The following IRGQ variants were observed in gnomAD, a reference collection of about 807,000 sequenced individuals.
IRGQ encodes the protein immunity related GTPase Q.
In IRGQ, 5 loss-of-function variants were observed where a neutral mutation model predicts 10.5. The ratio of observed to expected loss-of-function variants is 0.48; its 90% CI spans 0.25 to 1.00. The LOEUF is 1.00. Among genes scored for constraint, IRGQ ranks in the 50% least tolerant of loss-of-function variants. The pLI is 0.16. For synonymous variants in IRGQ, 418 were observed against 426.0 expected (o/e 0.98, Z 0.23); for missense variants, 792 against 877.7 (o/e 0.90, Z 1.23).
Position 43,589,633 on chromosome 19 carries a change from A to G in IRGQ, c.*2393T>C, listed in dbSNP as rs1007354569. ...GAAGCACCTATTGTGTCAGGCACCTATTGTTCTAGATGCTGGGGAAACAAC... is the reference window on the plus strand; with the variant it reads ...GAAGCACCTATTGTGTCAGGCACCTGTTGTTCTAGATGCTGGGGAAACAAC... On this transcript the variant is annotated 3_prime_UTR_variant, in exon 3 of 3. Transcript: ENST00000422989. The G allele has an allele frequency of 7.2e-5, 11 of 152,220 alleles. No homozygotes were observed. Among genetic ancestry groups the G allele is most frequent in the African/African-American group, 2.4e-4 (10 of 41,454 alleles). The allele number at this position is 152,220 out of a possible 1,614,324, so 9.4% of individuals were successfully genotyped here.
In IRGQ at chr19:43,592,330, T is replaced by A. The variant is rs761234537; in HGVS notation, c.1568A>T (p.Glu523Val). 28 of 1,571,298 alleles carry A rather than the reference T, an allele frequency of 1.8e-5. No homozygotes were observed. The highest frequency in any genetic ancestry group is 2.3e-5 in the Non-Finnish European group (27 of 1,166,950). The change falls in exon 3 of 3, where the codon GAA (glutamate) becomes GTA (valine). Residue 523 changes from glutamate to valine, a missense_variant. By Grantham distance (121) the Glu-to-Val change is moderately radical (BLOSUM62 -2). Transcript: ENST00000422989. ...LAEWRRGLGL[E>V]PTALARRERA... ...CTCACGTCGAGCCAGTGCCGTGGGT[T>A]CCAGCCCCAGGCCCCGTCGCCACTC...
Position 43,595,206 on chromosome 19 carries a change from C to T in IRGQ, c.133G>A (p.Gly45Arg), listed in dbSNP as rs770822273. 5 of 1,612,362 alleles carry T rather than the reference C, an allele frequency of 3.1e-6. No individual in the cohort carries two copies. The highest frequency in any genetic ancestry group is 4.2e-6 in the Non-Finnish European group (5 of 1,179,688). ...LEAPEGRPDS[G>R]VPSLRAAGPG... ...CCCGCAGCTCTTAGGCTGGGAACCC[C>T]GGAGTCCGGCCGTCCCTCGGGGGCC... Residue 45 changes from glycine (G) to arginine (R), a missense_variant, in exon 2 of 3, where the codon GGG (glycine) becomes AGG (arginine). Transcript: ENST00000422989.
chr19:43,592,822 C>G lies in IRGQ; in HGVS notation c.1076G>C (p.Gly359Ala). 1 of 1,614,088 alleles carries G rather than the reference C, an allele frequency of 6.2e-7. No individual in the cohort carries two copies. Among genetic ancestry groups the G allele is most frequent in the South Asian group, 1.1e-5 (1 of 91,092 alleles). ...ACTGAGTGCATTCTCCAATCCCCCT[C>G]CACCTGCGTTCTTTAAGCTCTCGCC... ...PKGESLKNAG[G>A]GGLENALSKG... Residue 359 changes from glycine (G) to alanine (A), a missense_variant, in exon 3 of 3, where the codon GGA becomes GCA. Transcript: ENST00000422989.
chr19:43,592,870 T>G lies in IRGQ; in HGVS notation c.1028A>C (p.Glu343Ala). The part of the protein sequence containing the change: ...GEGEDPECLG[E>A]GKMENPKGES... ...GCCCTTGGGATTCTCCATCTTGCCT[T>G]CTCCCAGACACTCCGGATCCTCGCC... Residue 343 changes from glutamate to alanine, a missense_variant, in exon 3 of 3, where the codon GAA (glutamate) becomes GCA (alanine). Coordinates refer to ENST00000422989, the MANE Select transcript of IRGQ (RefSeq NM_001007561.3). The G allele has an allele frequency of 6.2e-7, 1 of 1,613,840 alleles. No individual in the cohort carries two copies. The highest frequency in any genetic ancestry group is 8.5e-7 in the Non-Finnish European group (1 of 1,180,022).
intron 2 of IRGQ, among the ~76,000 whole-genome samples, chr19:43,594,193 G>A (rs573110979): frequency 3.9e-4 from 59 of 152,370 alleles, no homozygotes; most frequent in Non-Finnish European, 1.6e-4. Context: ...AGGGGGCTGG[G>A]CAGAGAGTCT....
rs533160084 is a variant in IRGQ, at chr19:43,585,841, C to G, written c.*6185G>C. On this transcript the variant is annotated 3_prime_UTR_variant, in exon 3 of 3. Transcript: ENST00000422989. ...TTTCCCAGCGGATTCCCCACCATCCCTCCTATCCCCAGACGCTGGAGTCTA... is the reference window on the plus strand; with the variant it reads ...TTTCCCAGCGGATTCCCCACCATCCGTCCTATCCCCAGACGCTGGAGTCTA... 3 of 152,342 alleles carry G rather than the reference C, an allele frequency of 2.0e-5. No individual in the cohort carries two copies. The highest frequency in any genetic ancestry group is 7.2e-5 in the African/African-American group (3 of 41,578). The allele number at this position is 152,342 out of a possible 1,614,324, so 9.4% of individuals were successfully genotyped here.
rs1973080939 is a variant in IRGQ at position 43,592,917 on chromosome 19, G to A, written c.981C>T (p.Val327=). The change falls in exon 3 of 3, where the codon GTC becomes GTT. Residue 327 remains valine, a synonymous_variant. Coordinates refer to ENST00000422989, the MANE Select transcript of IRGQ (RefSeq NM_001007561.3). The part of the protein sequence containing the change: ...QALLLPDAPL[V]CVRTDGEGED... ...CGCCCTCGCCGTCTGTGCGCACGCA[G>A]ACAAGAGGCGCATCTGGTAGCAGCA... is the stretch of plus-strand genomic sequence containing the variant. 1.2e-6 allele frequency: 2 copies of A among 1,612,070 alleles called. No individual in the cohort carries two copies. Among genetic ancestry groups the A allele is most frequent in the African/African-American group, 2.7e-5 (2 of 74,926 alleles).
chr19:43,591,850 A>T lies in IRGQ; in HGVS notation c.*176T>A, dbSNP rs1240948158. On this transcript the variant is annotated 3_prime_UTR_variant, in exon 3 of 3. Transcript: ENST00000422989. The stretch of plus-strand genomic sequence containing the variant: ...GCAACAAGAGACTTCGTCTCACAAA[A>T]AAAAGAAAAAAAAAAAAAAAAATCA... 24 of 618,372 alleles carry T rather than the reference A, an allele frequency of 3.9e-5. No individual in the cohort carries two copies. Among genetic ancestry groups the T allele is most frequent in the Non-Finnish European group, 5.8e-5 (23 of 398,676 alleles). 38.3% of individuals were successfully genotyped at this position (618,372 alleles called of 1,614,324 possible). A position where few individuals can be genotyped will look rare whatever the true frequency, so the allele number is the denominator to read the frequency against.
Position 43,593,608 on chromosome 19 carries a change from G to A in IRGQ, c.531-241C>T, listed in dbSNP as rs76451911. On this transcript the variant is annotated intron_variant, in intron 2 of 2. Transcript: ENST00000422989. The surrounding 1 kb of genome is among the most constrained non-coding windows in gnomAD (Gnocchi z 6.4). ...ATTGGACGGGTGGACATAAGGTCAG[G>A]TTTCCCACCCCAGCCTAAAATGGGG... is the stretch of plus-strand genomic sequence containing the variant. 0.036 allele frequency among the ~76,000 whole-genome samples: 5,501 copies of A among 152,250 alleles called. 150 individuals carry two copies. Among genetic ancestry groups the A allele is most frequent in the Non-Finnish European group, 0.054 (3,698 of 68,020 alleles).
At chr19:43,594,751 T>A (rs304726) in intron 2 of IRGQ, 58 bp downstream of exon 2, 995,676 of 1,466,092 alleles carry the variant, frequency 0.68, 339,479 homozygotes, top group African/African-American at 0.78. Flanking sequence ...ACCTCCATGG[T>A]CGCACCTAGG....
At chr19:43,595,519 C>T (rs896457201) in intron 1 of IRGQ, 179 bp from the exon 2 acceptor site, 20 of 445,812 alleles carry the variant, frequency 4.5e-5, no homozygotes, top group Non-Finnish European at 7.3e-5. Flanking sequence ...GAATCCCAGG[C>T]GTCCTGTCTG....
At position 43,589,770 on chromosome 19, in the gene IRGQ, G is replaced by C. The variant is rs1973034939; in HGVS notation, c.*2256C>G. 1 of 152,186 alleles carries C rather than the reference G, an allele frequency of 6.6e-6. No individual in the cohort carries two copies. The highest frequency in any genetic ancestry group is 1.5e-5 in the Non-Finnish European group (1 of 68,016). 9.4% of individuals were successfully genotyped at this position (152,186 alleles called of 1,614,324 possible). ...ACTCAACTGGCCGAAATGAATAGTG[G>C]GGGAATGTGAGCTACTTCAGATAGG... On this transcript the variant is annotated 3_prime_UTR_variant, in exon 3 of 3. Coordinates refer to ENST00000422989, the MANE Select transcript of IRGQ (RefSeq NM_001007561.3).
At position 43,592,989 on chromosome 19, in the gene IRGQ, G is replaced by T; in HGVS notation, c.909C>A (p.Val303=). The change falls in exon 3 of 3, where the codon GTC becomes GTA. Residue 303 remains valine, a synonymous_variant. Coordinates refer to ENST00000422989, the MANE Select transcript of IRGQ (RefSeq NM_001007561.3). ...HPTHYDALIL[V]TPGAPTEKDW... Reference sequence around the variant, plus strand: ...CCTTCTCAGTGGGGGCCCCAGGGGTGACGAGGATGAGGGCGTCGTAGTGCG... The same window carrying T: ...CCTTCTCAGTGGGGGCCCCAGGGGTTACGAGGATGAGGGCGTCGTAGTGCG... 1 of 1,608,810 alleles carries T rather than the reference G, an allele frequency of 6.2e-7. No individual in the cohort carries two copies. The highest frequency in any genetic ancestry group is 8.5e-7 in the Non-Finnish European group (1 of 1,179,652).
At chr19:43,594,396 A>C (rs1028552532) in intron 2 of IRGQ, among the ~76,000 whole-genome samples, 19 of 152,332 alleles carry the variant, frequency 1.2e-4, no homozygotes, top group East Asian at 3.9e-4. Flanking sequence ...CTGGGGAAAC[A>C]GTGAGATGCT....
rs886819655 is a variant in IRGQ at position 43,585,492 on chromosome 19, G to A, written c.*6534C>T. 6 of 151,792 alleles carry A rather than the reference G, an allele frequency of 4.0e-5. No homozygotes were observed. The highest frequency in any genetic ancestry group is 2.0e-4 in the Admixed American group (3 of 15,216). The allele number at this position is 151,792 out of a possible 1,614,324, so 9.4% of individuals were successfully genotyped here. On this transcript the variant is annotated 3_prime_UTR_variant, in exon 3 of 3. Transcript: ENST00000422989. ...CCTGACCTTGTGATCTGCCCGCCCT[G>A]GCCTCCCAAAGTGCTGGGATTATAG...
chr19:43,595,172 A>G lies in IRGQ; in HGVS notation c.167T>C (p.Leu56Pro). The part of the protein sequence containing the change: ...VPSLRAAGPG[L>P]FLGELSCPPA... ...TGGGCAGCTCAGCTCGCCCAGAAAAAGGCCTGGGCCCGCAGCTCTTAGGCT... is the reference window on the plus strand; with the variant it reads ...TGGGCAGCTCAGCTCGCCCAGAAAAGGGCCTGGGCCCGCAGCTCTTAGGCT... The change falls in exon 2 of 3, where the codon CTT becomes CCT. Residue 56 changes from leucine to proline, a missense_variant. Transcript: ENST00000422989. 6.2e-7 allele frequency: 1 copy of G among 1,609,162 alleles called. No homozygotes were observed. The highest frequency in any genetic ancestry group is 8.5e-7 in the Non-Finnish European group (1 of 1,178,264).
At position 43,587,857 on chromosome 19, in the gene IRGQ, G is replaced by C. The variant is rs976320363; in HGVS notation, c.*4169C>G. Reference sequence around the variant, plus strand: ...GAAGGTGGAGGTTGCAGTGAGCCGAGATTGTGCCACTGCACTCCAGCCTGG... The same window carrying C: ...GAAGGTGGAGGTTGCAGTGAGCCGACATTGTGCCACTGCACTCCAGCCTGG... On this transcript the variant is annotated 3_prime_UTR_variant, in exon 3 of 3. Transcript: ENST00000422989. 2.6e-5 allele frequency: 4 copies of C among 151,026 alleles called. No homozygotes were observed. The highest frequency in any genetic ancestry group is 4.4e-5 in the Non-Finnish European group (3 of 67,906). 9.4% of individuals were successfully genotyped at this position (151,026 alleles called of 1,614,324 possible).
Position 43,591,961 on chromosome 19 carries a change from A to G in IRGQ, c.*65T>C. The G allele has an allele frequency of 9.3e-6, 14 of 1,498,020 alleles. No individual in the cohort carries two copies. Among genetic ancestry groups the G allele is most frequent in the Non-Finnish European group, 1.2e-5 (13 of 1,114,580 alleles). 92.8% of individuals were successfully genotyped at this position (1,498,020 alleles called of 1,614,324 possible). ...AAGTCAAGAGTCCACATCCCCTTCA[A>G]GCACCCAGGATTAAGCCCAGGCATC... is the stretch of plus-strand genomic sequence containing the variant. On this transcript the variant is annotated 3_prime_UTR_variant, in exon 3 of 3. Coordinates refer to ENST00000422989, the MANE Select transcript of IRGQ (RefSeq NM_001007561.3).
rs767540 is a variant in IRGQ at position 43,586,357 on chromosome 19, C to T, written c.*5669G>A. 16,154 of 152,034 alleles carry T rather than the reference C, an allele frequency of 0.11. 1,181 individuals carry two copies. Among genetic ancestry groups the T allele is most frequent in the Admixed American group, 0.17 (2,612 of 15,260 alleles). 9.4% of individuals were successfully genotyped at this position (152,034 alleles called of 1,614,324 possible). On this transcript the variant is annotated 3_prime_UTR_variant, in exon 3 of 3. Transcript: ENST00000422989. ...CCATTAAAAGTTATGATTTAAAAGG[C>T]GACCACCCCCAAAAGAAGTCATAAC... is the stretch of plus-strand genomic sequence containing the variant.
Sources: gnomAD v4.1 joint callset for allele counts (sites outside exome capture counted in the v4.1 genomes callset) on GRCh38, gnomAD v4.1.1 for gene constraint, Gnocchi (gnomAD v3.1) non-coding constraint, MANE v1.5 for transcripts, NCBI Gene and HGNC (gene_info 2026-07-23, HGNC 2026-07-21) for gene names.